Variants in ZC3H12B observed in about 807,000 individuals in gnomAD.
The protein encoded by ZC3H12B is probable ribonuclease ZC3H12B.
Under a neutral mutation model 43.9 loss-of-function variants are expected in ZC3H12B, and 7 were observed. That is an observed-to-expected ratio of 0.16 (90% confidence interval 0.09 to 0.30). The LOEUF is 0.30. ZC3H12B is among the 10% of genes least tolerant of loss of function. The pLI is 1.00. For synonymous variants in ZC3H12B, 222 were observed against 241.7 expected (o/e 0.92, Z 0.76); for missense variants, 475 against 670.2 (o/e 0.71, Z 3.22).
At chrX:65,043,361 C>T in the ZC3H12B span, among the ~76,000 whole-genome samples, 1 of 110,629 alleles carries the variant, frequency 9.0e-6, no homozygotes, top group African/African-American at 3.3e-5. Context: ...CAATAATGAA[C>T]ATTAGAGATC....
At chrX:65,089,238 C>A in the ZC3H12B span, among the ~76,000 whole-genome samples, 5 of 111,261 alleles carry the variant, frequency 4.5e-5, no homozygotes, top group Admixed American at 3.8e-4. Flanking sequence ...CTTACGCAAA[C>A]CTAGATGGTA....
At chrX:65,449,215 G>T (rs1337619935) in intron 3 of ZC3H12B, among the ~76,000 whole-genome samples, 1 of 110,928 alleles carries the variant, frequency 9.0e-6, no homozygotes, top group African/African-American at 3.3e-5. Flanking sequence ...CTTAATACCT[G>T]GTGTGGGATG....
chrX:65,473,780 C>CAT (rs1338728929), intron 3 of ZC3H12B, among the ~76,000 whole-genome samples: 1 of 111,623 alleles, frequency 9.0e-6, no homozygotes, highest in African/African-American at 3.3e-5. Flanking sequence ...TTTCCCATAG[C>CAT]ATATATATTG....
the ZC3H12B span, among the ~76,000 whole-genome samples, chrX:65,323,364 C>A: frequency 1.8e-5 from 2 of 111,898 alleles, no homozygotes; most frequent in Non-Finnish European, 3.8e-5. Flanking sequence ...CCCCGACAGG[C>A]CCTGGTGTGT....
chrX:65,423,183 G>A (rs777648272), intron 3 of ZC3H12B, among the ~76,000 whole-genome samples: 15 of 110,451 alleles, frequency 1.4e-4, no homozygotes, highest in East Asian at 8.5e-4. Flanking sequence ...CGCATGCCTC[G>A]GCCTCCCAAA....
chrX:65,502,642 G>A, exon 5 of ZC3H12B: 1 of 1,209,673 alleles, frequency 8.3e-7, no homozygotes, highest in Non-Finnish European at 1.1e-6. Context: ...AGGATTCTAA[G>A]CAAGGCCCCC....
the ZC3H12B span, among the ~76,000 whole-genome samples, chrX:65,275,135 C>A: frequency 8.9e-6 from 1 of 112,807 alleles, no homozygotes; most frequent in Non-Finnish European, 1.9e-5. Flanking sequence ...ATAGAAATGC[C>A]CCACTGGCCA....
At chrX:65,045,034 T>TA in the ZC3H12B span, among the ~76,000 whole-genome samples, 1 of 110,908 alleles carries the variant, frequency 9.0e-6, no homozygotes, top group East Asian at 2.8e-4. Flanking sequence ...GCACTATGTC[T>TA]AAAAAATCTT....
chrX:65,328,040 C>T, the ZC3H12B span: 2 of 269,104 alleles, frequency 7.4e-6, no homozygotes, highest in Non-Finnish European at 1.5e-5. Flanking sequence ...ATTGCTGGTA[C>T]TAAACAAAGT....
At chrX:65,478,426 T>G (rs750020658) in intron 3 of ZC3H12B, among the ~76,000 whole-genome samples, 6 of 112,266 alleles carry the variant, frequency 5.3e-5, no homozygotes, top group Non-Finnish European at 7.5e-5. Context: ...ATTTTTTTGT[T>G]GAAGACTGAA....
chrX:65,384,857 T>C (rs1313151269), intron 2 of ZC3H12B, among the ~76,000 whole-genome samples: 1 of 112,395 alleles, frequency 8.9e-6, no homozygotes, highest in East Asian at 2.8e-4. Flanking sequence ...GAACAGGAGT[T>C]GGAACATATG....
the ZC3H12B span, among the ~76,000 whole-genome samples, chrX:65,066,025 C>T: frequency 9.2e-6 from 1 of 108,197 alleles, no homozygotes; most frequent in Non-Finnish European, 1.9e-5. Flanking sequence ...ACTGGTTATT[C>T]TAGTTAGCAG....
upstream of ZC3H12B, among the ~76,000 whole-genome samples, chrX:65,484,649 G>A (rs1331683505): frequency 8.9e-6 from 1 of 112,495 alleles, no homozygotes; most frequent in African/African-American, 3.2e-5. Flanking sequence ...TTGGCCACCT[G>A]CAGATAATTG....
At chrX:65,082,118 A>G in the ZC3H12B span, among the ~76,000 whole-genome samples, 1 of 111,876 alleles carries the variant, frequency 8.9e-6, no homozygotes, top group African/African-American at 3.2e-5. Flanking sequence ...TGATACAGCA[A>G]AAGCAGTCCT....
the ZC3H12B span, among the ~76,000 whole-genome samples, chrX:65,070,365 C>G: frequency 9.1e-6 from 1 of 109,719 alleles, no homozygotes. Context: ...ACTGGTCGGT[C>G]TAGTTTTTTC....
chrX:65,123,297 G>A, the ZC3H12B span, among the ~76,000 whole-genome samples: 2 of 111,419 alleles, frequency 1.8e-5, no homozygotes, highest in African/African-American at 3.3e-5. Flanking sequence ...TAGTGGATAA[G>A]CTTTTTGATG....
the ZC3H12B span, among the ~76,000 whole-genome samples, chrX:65,360,298 T>C: frequency 2.7e-5 from 3 of 112,578 alleles, no homozygotes; most frequent in South Asian, 7.3e-4. Flanking sequence ...TCTTGTACTT[T>C]AACTGGATGA....
intron 3 of ZC3H12B, among the ~76,000 whole-genome samples, chrX:65,445,213 C>T (rs969016008): frequency 8.9e-6 from 1 of 112,157 alleles, no homozygotes; most frequent in Admixed American, 9.5e-5. Flanking sequence ...GTTGCTGGTG[C>T]CTTATTTAGC....
chrX:65,278,264 C>T, the ZC3H12B span, among the ~76,000 whole-genome samples: 1 of 111,598 alleles, frequency 9.0e-6, no homozygotes, highest in African/African-American at 3.3e-5. Context: ...AATTATAATG[C>T]ATTAGCATGC....
Sources: allele counts gnomAD v4.1 joint callset (sites outside exome capture counted in the v4.1 genomes callset), GRCh38; gene constraint gnomAD v4.1.1; transcripts MANE v1.5; gene names NCBI Gene and HGNC (gene_info 2026-07-23, HGNC 2026-07-21).